Variants in NRXN3 observed in about 807,000 individuals in gnomAD.
The protein encoded by NRXN3 is neurexin 3.
A neutral mutation model predicts 137.6 loss-of-function variants in NRXN3; 32 were observed. That is an observed-to-expected ratio of 0.23 (90% CI 0.18 to 0.31). The LOEUF (loss-of-function observed/expected upper bound fraction) is 0.31, where lower values mean the gene tolerates loss of function less well. Ranked by LOEUF, NRXN3 falls within the 10% of genes least tolerant of loss-of-function variation. The probability of loss-of-function intolerance (pLI) is 1.00; values close to 1 mark genes in which losing one functional copy is unlikely to be tolerated. For missense variants in NRXN3, 1,574 were observed against 2,062.5 expected, an observed-to-expected ratio of 0.76 and a Z score of 4.59; for synonymous variants, 798 against 784.5, an observed-to-expected ratio of 1.02 and a Z score of -0.29.
chr14:79,525,246 C>T (rs2097107861), intron 16 of NRXN3, among the ~76,000 whole-genome samples: 1 of 152,156 alleles, frequency 6.6e-6, no homozygotes, highest in African/African-American at 2.4e-5. Flanking sequence ...TGAGCCCCAA[C>T]ACCACCTCGA....
rs757445239 is a variant in NRXN3 at position 78,714,877 on chromosome 14, C to T, written c.1782C>T (p.Leu594=). 2.5e-6 allele frequency: 4 copies of T among 1,614,164 alleles called. No individual in the cohort carries two copies. The highest frequency in any genetic ancestry group is 3.4e-6 in the Non-Finnish European group (4 of 1,180,012). Reference sequence around the variant, plus strand: ...CGGAGAACCGTGCTGGCCTTATTCTCCCCACCGAGCTGTGGACTGCCATGC... The same window carrying T: ...CGGAGAACCGTGCTGGCCTTATTCTTCCCACCGAGCTGTGGACTGCCATGC... ...GLPENRAGLI[L]PTELWTAMLN... is the part of the protein sequence containing the mutation. Residue 594 remains leucine, a synonymous_variant, in exon 8 of 21, where the codon CTC becomes CTT. Coordinates refer to ENST00000335750, the MANE Select transcript of NRXN3 (RefSeq NM_001330195.2).
At chr14:78,649,232 AT>A in intron 5 of NRXN3, 1 of 1,334,370 alleles carries the variant, frequency 7.5e-7, no homozygotes, top group Non-Finnish European at 9.9e-7. Flanking sequence ...TCTGTTCACA[AT>A]TTTTAATTTC....
chr14:79,585,475 A>G (rs544309950), intron 16 of NRXN3, among the ~76,000 whole-genome samples: 2 of 152,220 alleles, frequency 1.3e-5, no homozygotes, highest in African/African-American at 4.8e-5. Context: ...TCACTAGGTC[A>G]AGAGATTGAG....
intron 16 of NRXN3, among the ~76,000 whole-genome samples, chr14:79,603,281 C>A (rs2097950713): frequency 6.6e-6 from 1 of 152,214 alleles, no homozygotes; most frequent in South Asian, 2.1e-4. Flanking sequence ...CGTGCCCACA[C>A]AATCTCTTTA....
chr14:79,405,840 C>T (rs1030322074), intron 15 of NRXN3, among the ~76,000 whole-genome samples: 2 of 152,102 alleles, frequency 1.3e-5, no homozygotes, highest in African/African-American at 2.4e-5. Flanking sequence ...CCCAATTTCT[C>T]GAACTCTAAT....
At chr14:79,418,792 A>G (rs1600008779) in intron 15 of NRXN3, among the ~76,000 whole-genome samples, 1 of 152,166 alleles carries the variant, frequency 6.6e-6, no homozygotes, top group Admixed American at 6.5e-5. Flanking sequence ...AGTCTAAACT[A>G]AGAGGGTAAA....
intron 19 of NRXN3, among the ~76,000 whole-genome samples, chr14:79,754,920 CGAA>C (rs953810029): frequency 3.3e-5 from 5 of 152,148 alleles, no homozygotes; most frequent in African/African-American, 9.6e-5. Context: ...AGCTGCCATG[CGAA>C]GAAGGTCTTT....
At chr14:79,657,900 T>A (rs1055916075) in intron 16 of NRXN3, among the ~76,000 whole-genome samples, 1 of 152,216 alleles carries the variant, frequency 6.6e-6, no homozygotes, top group Non-Finnish European at 1.5e-5. Flanking sequence ...TGGTCTCTTA[T>A]GGTACAAAAA....
chr14:78,534,660 T>C (rs2096514561), intron 4 of NRXN3, among the ~76,000 whole-genome samples: 1 of 152,212 alleles, frequency 6.6e-6, no homozygotes, highest in African/African-American at 2.4e-5. Flanking sequence ...TCTTTTATAC[T>C]TAAAATTCTA....
At chr14:78,349,852 A>G (rs926976222) in intron 4 of NRXN3, among the ~76,000 whole-genome samples, 5 of 152,202 alleles carry the variant, frequency 3.3e-5, no homozygotes, top group African/African-American at 1.2e-4. Flanking sequence ...TGCATATTTT[A>G]ATTTACTAAT....
chr14:78,244,716 A>T (rs2067433493), intron 2 of NRXN3, among the ~76,000 whole-genome samples: 1 of 152,140 alleles, frequency 6.6e-6, no homozygotes. Context: ...CACATGAGGT[A>T]CCTCTTTAGA....
chr14:78,846,406 C>T lies in NRXN3; in HGVS notation c.2275+36062C>T, dbSNP rs77730492. The stretch of plus-strand genomic sequence containing the variant: ...ATACAATGTAGTGGAGAACTGCATA[C>T]GGTTAATTATGACAATTACAATCAG... On this transcript the variant is annotated intron_variant, in intron 10 of 20. Transcript: ENST00000335750. Among the ~76,000 whole-genome samples, 663 of 152,184 alleles carry T rather than the reference C, an allele frequency of 4.4e-3. 4 individuals are homozygous for T. The highest frequency in any genetic ancestry group is 0.017 in the Middle Eastern group (5 of 294).
chr14:78,348,509 C>T (rs929509195), intron 4 of NRXN3, among the ~76,000 whole-genome samples: 1 of 152,160 alleles, frequency 6.6e-6, no homozygotes, highest in African/African-American at 2.4e-5. Flanking sequence ...TAAGTTTGCT[C>T]AGGAAGCATG....
At chr14:79,125,447 G>T (rs535727599) in intron 15 of NRXN3, among the ~76,000 whole-genome samples, 7 of 152,226 alleles carry the variant, frequency 4.6e-5, no homozygotes, top group Admixed American at 1.3e-4. Context: ...TGGATGGACT[G>T]ATGGGAAATA....
At chr14:78,530,741 T>G (rs1463300319) in intron 4 of NRXN3, among the ~76,000 whole-genome samples, 1 of 152,228 alleles carries the variant, frequency 6.6e-6, no homozygotes, top group Non-Finnish European at 1.5e-5. Flanking sequence ...TAGTGGAACA[T>G]ACACATTCAT....
At chr14:79,755,144 C>G (rs866525915) in intron 19 of NRXN3, among the ~76,000 whole-genome samples, 5 of 152,166 alleles carry the variant, frequency 3.3e-5, no homozygotes, top group African/African-American at 9.6e-5. Context: ...GACTCAAAGT[C>G]AAGATGACCC....
intron 15 of NRXN3, among the ~76,000 whole-genome samples, chr14:79,143,466 G>A (rs1324265071): frequency 6.6e-6 from 1 of 152,204 alleles, no homozygotes; most frequent in African/African-American, 2.4e-5. Context: ...TTCACCTTTG[G>A]TGGGGAACTG....
At chr14:78,635,141 C>T (rs1024259083) in intron 4 of NRXN3, among the ~76,000 whole-genome samples, 1 of 152,100 alleles carries the variant, frequency 6.6e-6, no homozygotes, top group South Asian at 2.1e-4. Context: ...AAAATATAAT[C>T]TAATTGCAGA....
In NRXN3 at chr14:79,078,715, C is replaced by G. The variant is rs2046384660; in HGVS notation, c.3262+90574C>G. On this transcript the variant is annotated intron_variant, in intron 15 of 20. Transcript: ENST00000335750. Reference sequence around the variant, plus strand: ...CCCCTTGGGTATAATTTTATTTACACCAACACATATATTTTGAAGAGATGA... The same window carrying G: ...CCCCTTGGGTATAATTTTATTTACAGCAACACATATATTTTGAAGAGATGA... 1.3e-5 allele frequency among the ~76,000 whole-genome samples: 2 copies of G among 152,036 alleles called. 1 individual carries two copies. The highest frequency in any genetic ancestry group is 4.1e-4 in the South Asian group (2 of 4,826).
Sources: gnomAD v4.1 joint callset for allele counts (sites outside exome capture counted in the v4.1 genomes callset) on GRCh38, gnomAD v4.1.1 for gene constraint, MANE v1.5 for transcripts, NCBI Gene and HGNC (gene_info 2026-07-23, HGNC 2026-07-21) for gene names.